CDH23: variants seen among roughly 807,000 people sequenced by gnomAD.
CDH23 encodes cadherin related 23, also known as cadherin-23.
In CDH23, 189 loss-of-function variants were observed where a neutral mutation model predicts 317.1. That is an observed-to-expected ratio of 0.60 (90% CI 0.53 to 0.67). CDH23 has a LOEUF of 0.67. Among genes scored for constraint, CDH23 ranks in the 30% least tolerant of loss-of-function variants. CDH23 has a pLI of 0.00. For synonymous variants in CDH23, 1,839 were observed against 1,876.8 expected (o/e 0.98, Z 0.52); for missense variants, 4,401 against 4,592.4 (o/e 0.96, Z 1.20).
intron 3 of CDH23, among the ~76,000 whole-genome samples, chr10:71,486,582 C>A (rs1385427059): frequency 6.6e-6 from 1 of 152,180 alleles, no homozygotes; most frequent in East Asian, 1.9e-4. Flanking sequence ...TATCATCTTA[C>A]ACCAGACCTC....
At position 71,709,680 on chromosome 10, in the gene CDH23, C is replaced by G. The variant is rs141017655; in HGVS notation, c.3220+469C>G. On this transcript the variant is annotated intron_variant, in intron 27 of 69. Coordinates refer to ENST00000224721, the MANE Select transcript of CDH23 (RefSeq NM_022124.6). Reference sequence around the variant, plus strand: ...AAAACCAGTCCACTGGGAGATGTAACTCCCAGTATGACTGGATTCAGGGCT... The same window carrying G: ...AAAACCAGTCCACTGGGAGATGTAAGTCCCAGTATGACTGGATTCAGGGCT... 1.9e-4 allele frequency among the ~76,000 whole-genome samples: 29 copies of G among 152,268 alleles called. No individual in the cohort carries two copies. In the East Asian group the frequency reaches 4.2e-3, roughly 22 times the overall value.
chr10:71,702,434 T>C, intron 23 of CDH23, 115 bp from the exon 24 acceptor site: 1 of 1,378,406 alleles, frequency 7.3e-7, no homozygotes, highest in Non-Finnish European at 1.0e-6. Flanking sequence ...GGAGGGGCCT[T>C]TGGGATGGAG....
intron 9 of CDH23, among the ~76,000 whole-genome samples, chr10:71,597,360 T>C (rs866801038): frequency 1.3e-5 from 2 of 152,066 alleles, no homozygotes; most frequent in African/African-American, 2.4e-5. Context: ...AGCCCCAAGA[T>C]GAGAAAGCAG....
At chr10:71,793,691 T>G in intron 48 of CDH23, 51 bp downstream of exon 48, 1 of 1,321,708 alleles carries the variant, frequency 7.6e-7, no homozygotes, top group Non-Finnish European at 1.0e-6. Context: ...CAGTCCTGTC[T>G]CCTCGCTCCC....
intron 28 of CDH23, among the ~76,000 whole-genome samples, chr10:71,718,724 G>A (rs1392765893): frequency 6.6e-6 from 1 of 152,192 alleles, no homozygotes; most frequent in African/African-American, 2.4e-5. Flanking sequence ...ACCCTACTGG[G>A]CTAGCAAATA....
At position 71,713,157 on chromosome 10, in the gene CDH23, G is replaced by A. The variant is rs1240551300; in HGVS notation, c.3369+344G>A. The A allele has an allele frequency of 3.8e-6, 3 of 779,266 alleles. No individual in the cohort carries two copies. In the South Asian group the frequency reaches 4.0e-5, roughly 10 times the overall value. The allele number at this position is 779,266 out of a possible 1,614,324, so 48.3% of individuals were successfully genotyped here. On this transcript the variant is annotated intron_variant, in intron 28 of 69. Coordinates refer to ENST00000224721, the MANE Select transcript of CDH23 (RefSeq NM_022124.6). Reference sequence around the variant, plus strand: ...ATTTCCCGGAAAGGAGTTGAGAAGAGAGCCAGGGCCCAGCAAGGCCCAGAA... The same window carrying A: ...ATTTCCCGGAAAGGAGTTGAGAAGAAAGCCAGGGCCCAGCAAGGCCCAGAA...
At chr10:71,806,430 T>G (rs1841725690) in intron 57 of CDH23, 149 bp downstream of exon 57, 1 of 655,372 alleles carries the variant, frequency 1.5e-6, no homozygotes, top group Admixed American at 2.2e-5. Context: ...GAACAACTAT[T>G]TATTGAGCAG....
intron 6 of CDH23, among the ~76,000 whole-genome samples, chr10:71,546,888 G>A (rs533350053): frequency 5.3e-5 from 8 of 152,288 alleles, no homozygotes; most frequent in South Asian, 4.1e-4. Flanking sequence ...CACAGTGCTC[G>A]GTGAATATTT....
chr10:71,657,563 G>A (rs1395099525), intron 14 of CDH23, among the ~76,000 whole-genome samples: 1 of 152,146 alleles, frequency 6.6e-6, no homozygotes, highest in Non-Finnish European at 1.5e-5. Context: ...CCAAGAGGTA[G>A]GCCCGGTCCA....
At chr10:71,436,066 C>T (rs1849603258) in intron 1 of CDH23, among the ~76,000 whole-genome samples, 2 of 152,268 alleles carry the variant, frequency 1.3e-5, no homozygotes, top group Non-Finnish European at 1.5e-5. Context: ...TTGCTTTACC[C>T]TTTGGAGCCT....
rs1012580403 is a variant in CDH23, at chr10:71,739,870, C to A, written c.4488+98C>A. The A allele has an allele frequency of 5.1e-6, 7 of 1,382,208 alleles. No homozygotes were observed. The African/African-American group carries it at 8.6e-5, about 17-fold the overall frequency. 85.6% of individuals were successfully genotyped at this position (1,382,208 alleles called of 1,614,324 possible). A position where few individuals can be genotyped will look rare whatever the true frequency, so the allele number is the denominator to read the frequency against. ...GAGAGAGCCTGTCCATCAGCACACT[C>A]TGGTGGTCAGTGCCCCTGCTGTCAC... On this transcript the variant is annotated intron_variant, in intron 36 of 69. Coordinates refer to ENST00000224721, the MANE Select transcript of CDH23 (RefSeq NM_022124.6).
chr10:71,718,661 C>T (rs764949889), intron 28 of CDH23, among the ~76,000 whole-genome samples: 1 of 152,246 alleles, frequency 6.6e-6, no homozygotes, highest in Non-Finnish European at 1.5e-5. Flanking sequence ...ATGGGAGATG[C>T]CTCAATCCTA....
chr10:71,397,184 C>A lies in CDH23; in HGVS notation c.-140C>A. The A allele has an allele frequency of 4.2e-6, 1 of 239,446 alleles. No homozygotes were observed. Among genetic ancestry groups the A allele is most frequent in the Non-Finnish European group, 8.3e-6 (1 of 120,026 alleles). The allele number at this position is 239,446 out of a possible 1,614,324, so 14.8% of individuals were successfully genotyped here. On this transcript the variant is annotated 5_prime_UTR_variant, in exon 1 of 70. Transcript: ENST00000224721. The surrounding 1 kb of genome is among the most constrained non-coding windows in gnomAD (Gnocchi z 4.8). ...GGAGACCCAGGAGCTGCCGGCACGC[C>A]GCGGATGAGCCTTCGCGCCGGCGGG... is the stretch of plus-strand genomic sequence containing the variant.
intron 1 of CDH23, among the ~76,000 whole-genome samples, chr10:71,400,281 A>G (rs1847720283): frequency 6.6e-6 from 1 of 152,228 alleles, no homozygotes; most frequent in Admixed American, 6.5e-5. Flanking sequence ...GGCCTGGTGT[A>G]GCCGATGGTG....
At chr10:71,554,506 G>T (rs1235906902) in intron 6 of CDH23, among the ~76,000 whole-genome samples, 2 of 151,920 alleles carry the variant, frequency 1.3e-5, no homozygotes, top group African/African-American at 4.8e-5. Flanking sequence ...GAGACTCCTT[G>T]CGTCTCTCAG....
Position 71,436,880 on chromosome 10 carries a change from G to T in CDH23, c.-5-2947G>T, listed in dbSNP as rs184707497. 5.3e-5 allele frequency among the ~76,000 whole-genome samples: 8 copies of T among 152,314 alleles called. No individual in the cohort carries two copies. The East Asian group carries it at 1.5e-3, about 29-fold the overall frequency. On this transcript the variant is annotated intron_variant, in intron 1 of 69. Transcript: ENST00000224721. ...GATACTCACTCACTGTGAGATGTCA[G>T]ATTGTCACTTAATTGCCCAATGCCT...
At chr10:71,747,714 A>G (rs1839886063) in intron 38 of CDH23, 1 of 152,292 alleles carries the variant, frequency 6.6e-6, no homozygotes, top group Admixed American at 6.5e-5. Context: ...TGTGTTGGAA[A>G]GCACCAAGTA....
rs1841468866 is a variant in CDH23 at position 71,798,545 on chromosome 10, C to T, written c.7021C>T (p.Pro2341Ser). Residue 2341 changes from proline (P) to serine (S), a missense_variant, in exon 50 of 70, where the codon CCA (proline) becomes TCA (serine). Pro to Ser is a moderately conservative substitution (Grantham distance 74). Around this residue, in one of 3 missense-constraint regions of CDH23, gnomAD observed 3,068 missense variants for 3,203.3 expected, o/e 0.96. Transcript: ENST00000224721. ...VTYTLLDLVPPGYVQLEDSSA... is the reference protein window; with the variant it reads ...VTYTLLDLVPSGYVQLEDSSA... ...CTACACCCTGCTGGACCTGGTGCCC[C>T]CAGGGTATGTCCAGCTGGAGGACTC... is the stretch of plus-strand genomic sequence containing the variant. 1 of 1,613,072 alleles carries T rather than the reference C, an allele frequency of 6.2e-7. No individual in the cohort carries two copies. Among genetic ancestry groups the T allele is most frequent in the African/African-American group, 1.3e-5 (1 of 74,902 alleles).
intron 14 of CDH23, among the ~76,000 whole-genome samples, chr10:71,648,966 C>T (rs1413149326): frequency 6.6e-6 from 1 of 152,190 alleles, no homozygotes; most frequent in Non-Finnish European, 1.5e-5. Flanking sequence ...ATGGTGGGGA[C>T]CCCGCGTGCT....
Sources: allele counts gnomAD v4.1 joint callset (sites outside exome capture counted in the v4.1 genomes callset), GRCh38; gene constraint gnomAD v4.1.1; regional missense constraint gnomAD v4.1.1; non-coding constraint Gnocchi (gnomAD v3.1); transcripts MANE v1.5; gene names NCBI Gene and HGNC (gene_info 2026-07-23, HGNC 2026-07-21).